ANKRD35: variants seen among roughly 807,000 people sequenced by gnomAD.
The protein encoded by ANKRD35 is ankyrin repeat domain 35, also known as ankyrin repeat domain-containing protein 35.
Under a neutral mutation model 109.9 loss-of-function variants are expected in ANKRD35, and 102 were observed. The ratio of observed to expected loss-of-function variants is 0.93; its 90% confidence interval spans 0.79 to 1.09. The LOEUF (loss-of-function observed/expected upper bound fraction) is 1.09, where lower values mean the gene tolerates loss of function less well. ANKRD35 is among the 50% of genes least tolerant of loss of function. The pLI, the probability that ANKRD35 is intolerant of heterozygous loss-of-function variation, is 0.00. For synonymous variants in ANKRD35, 515 were observed against 512.4 expected, an observed-to-expected ratio of 1.01 and a Z score of -0.07; for missense variants, 1,240 against 1,230.1, an observed-to-expected ratio of 1.01 and a Z score of -0.12.
In ANKRD35 at chr1:145,872,257, T is replaced by C. The variant is rs1202685167; in HGVS notation, c.2512A>G (p.Thr838Ala). The C allele has an allele frequency of 1.9e-6, 3 of 1,611,418 alleles. No homozygotes were observed. The highest frequency in any genetic ancestry group is 1.3e-5 in the African/African-American group (1 of 74,850). Residue 838 changes from threonine to alanine, a missense_variant, in exon 10 of 14, where the codon ACT becomes GCT. By Grantham distance (58) the Thr-to-Ala change is moderately conservative. Transcript: ENST00000355594. ...EAASLRQHEK[T>A]RGSLVAQAQA... Reference sequence around the variant, plus strand: ...GCCTGGGCCACCAGCGAACCCCGAGTTTTCTCGTGTTGCCGTAGGCTGGCT... The same window carrying C: ...GCCTGGGCCACCAGCGAACCCCGAGCTTTCTCGTGTTGCCGTAGGCTGGCT...
intron 1 of ANKRD35, among the ~76,000 whole-genome samples, chr1:145,880,682 G>C (rs1553740958): frequency 6.6e-6 from 1 of 152,124 alleles, no homozygotes; most frequent in Admixed American, 6.5e-5. Context: ...GAAAAATAGG[G>C]TCTGTGGAAG....
At chr1:145,885,650 G>A (rs587756312) in intron 1 of ANKRD35, 70 bp downstream of exon 1, 6 of 1,521,138 alleles carry the variant, frequency 3.9e-6, no homozygotes, top group South Asian at 3.4e-5. Flanking sequence ...GCATTGAGAC[G>A]GGACTAAAGA....
At position 145,867,319 on chromosome 1, in the gene ANKRD35, G is replaced by A. The variant is rs782815879; in HGVS notation, c.*11C>T. The A allele has an allele frequency of 6.2e-7, 1 of 1,613,068 alleles. No homozygotes were observed. Among genetic ancestry groups the A allele is most frequent in the Non-Finnish European group, 8.5e-7 (1 of 1,179,312 alleles). On this transcript the variant is annotated 3_prime_UTR_variant, in exon 13 of 14. Transcript: ENST00000355594. The stretch of plus-strand genomic sequence containing the variant: ...AATCTCGTATCCCTGAGGGCACACA[G>A]TGAGGCTGCCTCACTCCTCTTCCAT...
chr1:145,885,846 A>C lies in ANKRD35; in HGVS notation c.-88T>G, dbSNP rs1553741810. On this transcript the variant is annotated 5_prime_UTR_variant, in exon 1 of 14. Transcript: ENST00000355594. ...CCACCGGACTTGGCTGCGGCTGTGC[A>C]AGAGACAGCTGTCAAAAAGCAGAGC... 4.0e-6 allele frequency: 4 copies of C among 1,011,486 alleles called. No individual in the cohort carries two copies. Among genetic ancestry groups the C allele is most frequent in the Non-Finnish European group, 1.6e-6 (1 of 641,876 alleles). 62.7% of individuals were successfully genotyped at this position (1,011,486 alleles called of 1,614,324 possible).
Position 145,872,352 on chromosome 1 carries a change from T to C in ANKRD35, c.2417A>G (p.Glu806Gly). The stretch of plus-strand genomic sequence containing the variant: ...GAGCAGCTGCTTCAGCTTTCCGATC[T>C]CCTGGCTCTTCCCGCTCATCGTGGC... ...VQATMSGKSQ[E>G]IGKLKQLLYQ... The change falls in exon 10 of 14, where the codon GAG becomes GGG. Residue 806 changes from glutamate (E) to glycine (G), a missense_variant. Glu to Gly is a moderately conservative substitution (Grantham distance 98). Coordinates refer to ENST00000355594, the MANE Select transcript of ANKRD35 (RefSeq NM_144698.5). 1 of 1,612,866 alleles carries C rather than the reference T, an allele frequency of 6.2e-7. No individual in the cohort carries two copies. Among genetic ancestry groups the C allele is most frequent in the Non-Finnish European group, 8.5e-7 (1 of 1,179,418 alleles).
intron 1 of ANKRD35, among the ~76,000 whole-genome samples, chr1:145,881,420 G>A (rs587724864): frequency 6.6e-6 from 1 of 152,310 alleles, no homozygotes; most frequent in South Asian, 2.1e-4. Context: ...GTTGCCTCCA[G>A]GGCAAAGCCA....
Position 145,873,939 on chromosome 1 carries a change from C to T in ANKRD35, c.830G>A (p.Trp277Ter). The T allele has an allele frequency of 6.2e-7, 1 of 1,614,200 alleles. No homozygotes were observed. The highest frequency in any genetic ancestry group is 8.5e-7 in the Non-Finnish European group (1 of 1,180,046). Reference sequence around the variant, plus strand: ...TTGCTCCTCTTCAGGCTCTGCTCTCCATGAGCTCTTAGGAGGAGAACCTGC... The same window carrying T: ...TTGCTCCTCTTCAGGCTCTGCTCTCTATGAGCTCTTAGGAGGAGAACCTGC... ...PQAGSPPKSS[W>*]RAEPEEEQEE... The change falls in exon 10 of 14, where the codon TGG (tryptophan) becomes TAG (stop). Residue 277 changes from tryptophan (W) to a stop codon, truncating the protein, a stop_gained. Transcript: ENST00000355594. LOFTEE classifies it high-confidence loss of function.
chr1:145,879,346 C>T lies in ANKRD35; in HGVS notation c.82G>A (p.Val28Met), dbSNP rs1235389691. ...NRHDQKLLEA[V>M]HRGDVGRVAA... ...ACGCGTCCCACATCCCCCCTGTGCA[C>T]TGCCTCCAGCAGCTTCTGATCATGG... is the stretch of plus-strand genomic sequence containing the variant. The change falls in exon 2 of 14, where the codon GTG (valine) becomes ATG (methionine). Residue 28 changes from valine (V) to methionine (M), a missense_variant. Transcript: ENST00000355594. 2 of 1,604,732 alleles carry T rather than the reference C, an allele frequency of 1.2e-6. No individual in the cohort carries two copies. The highest frequency in any genetic ancestry group is 1.7e-6 in the Non-Finnish European group (2 of 1,175,994).
intron 7 of ANKRD35, among the ~76,000 whole-genome samples, chr1:145,875,794 C>T (rs182813730): frequency 7.9e-5 from 12 of 152,236 alleles, no homozygotes; most frequent in African/African-American, 1.7e-4. Flanking sequence ...GTGATCCACC[C>T]GCCTTGGCCT....
intron 10 of ANKRD35, 110 bp downstream of exon 10, chr1:145,871,872 G>T: frequency 2.2e-6 from 3 of 1,368,174 alleles, no homozygotes; most frequent in South Asian, 1.3e-5. Context: ...TCCGTTTGGG[G>T]TATTAATCTG....
chr1:145,867,871 C>G, intron 12 of ANKRD35, 120 bp downstream of exon 12: 1 of 942,472 alleles, frequency 1.1e-6, no homozygotes, highest in East Asian at 2.4e-5. Flanking sequence ...GCACTGGATC[C>G]AGCTTTCCGA....
At chr1:145,876,468 T>C (rs1654079011) in intron 6 of ANKRD35, 101 bp downstream of exon 6, 4 of 1,387,878 alleles carry the variant, frequency 2.9e-6, no homozygotes, top group Non-Finnish European at 4.1e-6. Flanking sequence ...AGAAGGGTGG[T>C]GCTAACACAG....
rs1553739008 is a variant in ANKRD35 at position 145,872,607 on chromosome 1, T to A, written c.2162A>T (p.Lys721Ile). 6.2e-7 allele frequency: 1 copy of A among 1,613,822 alleles called. No homozygotes were observed. The highest frequency in any genetic ancestry group is 2.2e-5 in the East Asian group (1 of 44,872). ...CAGCTCCTCCAGGGACTCCGCTGCTTTGCTTTGTGCACTCCTCTCGCCCAC... is the reference window on the plus strand; with the variant it reads ...CAGCTCCTCCAGGGACTCCGCTGCTATGCTTTGTGCACTCCTCTCGCCCAC... ...DLVGERSAQSKAAESLEELRA... is the reference protein window; with the variant it reads ...DLVGERSAQSIAAESLEELRA... The change falls in exon 10 of 14, where the codon AAA becomes ATA. Residue 721 changes from lysine to isoleucine, a missense_variant. Coordinates refer to ENST00000355594, the MANE Select transcript of ANKRD35 (RefSeq NM_144698.5).
chr1:145,871,018 T>C (rs1653788652), intron 10 of ANKRD35, among the ~76,000 whole-genome samples: 1 of 152,218 alleles, frequency 6.6e-6, no homozygotes, highest in African/African-American at 2.4e-5. Context: ...CATGTGTAAA[T>C]TGATATTTAG....
intron 5 of ANKRD35, 32 bp downstream of exon 5, chr1:145,876,784 C>T: frequency 1.2e-6 from 2 of 1,613,852 alleles, no homozygotes; most frequent in East Asian, 2.2e-5. Flanking sequence ...GTAGTCTCTG[C>T]AGCCCTGTTC....
intron 11 of ANKRD35, 95 bp from the exon 12 acceptor site, chr1:145,868,151 C>T (rs1012919011): frequency 2.4e-5 from 35 of 1,482,636 alleles, no homozygotes; most frequent in Non-Finnish European, 3.1e-5. Context: ...ACCAGGTGGG[C>T]TCGTTGGCCC....
rs1654084565 is a variant in ANKRD35, at chr1:145,876,598, G to T, written c.424C>A (p.His142Asn). The T allele has an allele frequency of 3.1e-6, 5 of 1,614,150 alleles. No homozygotes were observed. The highest frequency in any genetic ancestry group is 4.2e-6 in the Non-Finnish European group (5 of 1,180,034). The change falls in exon 6 of 14, where the codon CAC (histidine) becomes AAC (asparagine). Residue 142 changes from histidine to asparagine, a missense_variant. His to Asn is a moderately conservative substitution (Grantham distance 68). Transcript: ENST00000355594. ...TCCAACACGTCCAGGAAGGCTTCGTGGTCACACAGCAGGAGCACACTTGAG... is the reference window on the plus strand; with the variant it reads ...TCCAACACGTCCAGGAAGGCTTCGTTGTCACACAGCAGGAGCACACTTGAG... ...CASSVLLLCD[H>N]EAFLDVLDND...
In ANKRD35 at chr1:145,885,745, A is replaced by T. The variant is rs1559179795; in HGVS notation, c.14T>A (p.Phe5Tyr). ...CGCCACCTGTGTGCTGGAGCAGGAGAAGATACGCTTCATGGCCGGGGTCGG... is the reference window on the plus strand; with the variant it reads ...CGCCACCTGTGTGCTGGAGCAGGAGTAGATACGCTTCATGGCCGGGGTCGG... MKRI[F>Y]SCSSTQVAVE... Residue 5 changes from phenylalanine (F) to tyrosine (Y), a missense_variant, in exon 1 of 14, where the codon TTC becomes TAC. Phe to Tyr is a conservative substitution (Grantham distance 22). Transcript: ENST00000355594. The T allele has an allele frequency of 6.2e-7, 1 of 1,614,064 alleles. No homozygotes were observed. The highest frequency in any genetic ancestry group is 1.7e-5 in the Admixed American group (1 of 60,020).
chr1:145,879,059 AT>A (rs1456836851), intron 2 of ANKRD35, among the ~76,000 whole-genome samples, 198 bp downstream of exon 2: 1 of 152,190 alleles, frequency 6.6e-6, no homozygotes, highest in Non-Finnish European at 1.5e-5. Context: ...TGTGCAATGG[AT>A]GGAGCTCAGG....
Sources: allele counts gnomAD v4.1 joint callset (sites outside exome capture counted in the v4.1 genomes callset), GRCh38; gene constraint gnomAD v4.1.1; transcripts MANE v1.5; gene names NCBI Gene and HGNC (gene_info 2026-07-23, HGNC 2026-07-21).